The following PITX1 variants were observed in gnomAD, a reference collection of about 807,000 sequenced individuals.
The protein encoded by PITX1 is pituitary homeobox 1.
Under a neutral mutation model 24.1 loss-of-function variants are expected in PITX1, and 5 were observed. The observed-to-expected ratio is 0.21, with a 90% CI of 0.11 to 0.44. PITX1 has a LOEUF of 0.44. PITX1 is among the 20% of genes least tolerant of loss of function. The pLI is 0.99. For missense variants in PITX1, 401 were observed against 455.4 expected (o/e 0.88, Z 1.09); for synonymous variants, 213 against 208.9 (o/e 1.02, Z -0.17).
chr5:135,029,239 G>T lies in PITX1; in HGVS notation c.485C>A (p.Pro162Gln), dbSNP rs1265370549. The change falls in exon 3 of 3, where the codon CCG (proline) becomes CAG (glutamine). Residue 162 changes from proline (P) to glutamine (Q), a missense_variant. Pro to Gln is a moderately conservative substitution (Grantham distance 76, BLOSUM62 -1). Around this residue, in one of 3 missense-constraint regions of PITX1, gnomAD observed 217 missense variants for 219.8 expected, o/e 0.99. Coordinates refer to ENST00000265340, the MANE Select transcript of PITX1 (RefSeq NM_002653.5). Reference protein sequence around the residue: ...QLDLCKGGYVPQFSGLVQPYE... With the variant: ...QLDLCKGGYVQQFSGLVQPYE... The stretch of plus-strand genomic sequence containing the variant: ...GGGCTGCACTAGGCCGCTGAACTGC[G>T]GCACGTAGCCACCCTTGCACAGGTC... The T allele has an allele frequency of 3.7e-6, 6 of 1,613,584 alleles. No individual in the cohort carries two copies. Among genetic ancestry groups the T allele is most frequent in the African/African-American group, 2.7e-5 (2 of 75,042 alleles).
chr5:135,027,977 GGAGCA>G lies in PITX1; in HGVS notation c.*797_*801del, dbSNP rs1455925403. The G allele has an allele frequency of 6.6e-6, 1 of 152,586 alleles. No individual in the cohort carries two copies. Among genetic ancestry groups the G allele is most frequent in the African/African-American group, 2.4e-5 (1 of 41,462 alleles). The allele number at this position is 152,586 out of a possible 1,614,324, so 9.5% of individuals were successfully genotyped here. A position where few individuals can be genotyped will look rare whatever the true frequency, so the allele number is the denominator to read the frequency against. The stretch of plus-strand genomic sequence containing the variant: ...AGACAGAGGGCCACCTCCTAGCCCG[GGAGCA>G]GAGCAGAGGGCCTGGGCCTGCAGCT... On this transcript the variant is annotated 3_prime_UTR_variant, in exon 3 of 3. Coordinates refer to ENST00000265340, the MANE Select transcript of PITX1 (RefSeq NM_002653.5).
Position 135,028,389 on chromosome 5 carries a change from C to CT in PITX1, c.*389dup, listed in dbSNP as rs1187375885. On this transcript the variant is annotated 3_prime_UTR_variant, in exon 3 of 3. Coordinates refer to ENST00000265340, the MANE Select transcript of PITX1 (RefSeq NM_002653.5). ...CGGGGACGCGGGATACGAGGTCGTC[C>CT]TCCCCCGGCCGCTGGGCCTCGGCGC... 1 of 155,070 alleles carries CT rather than the reference C, an allele frequency of 6.4e-6. No individual in the cohort carries two copies. The highest frequency in any genetic ancestry group is 1.4e-5 in the Non-Finnish European group (1 of 69,972). The allele number at this position is 155,070 out of a possible 1,614,324, so 9.6% of individuals were successfully genotyped here. A position where few individuals can be genotyped will look rare whatever the true frequency, so the allele number is the denominator to read the frequency against.
Position 135,033,636 on chromosome 5 carries a change from G to A in PITX1, c.169+77C>T. ...GGGAGCTTGGTTGCGCGGCGCGGGC[G>A]TCAGGCCCTGCTCCCAGCTCCCCGT... is the stretch of plus-strand genomic sequence containing the variant. On this transcript the variant is annotated intron_variant, in intron 1 of 2. Transcript: ENST00000265340. This position sits in a 1 kb window ranked among gnomAD's most constrained non-coding sequence, Gnocchi z 5.9. 2.8e-6 allele frequency: 4 copies of A among 1,443,980 alleles called. No homozygotes were observed. The highest frequency in any genetic ancestry group is 1.4e-5 in the African/African-American group (1 of 70,834). 89.4% of individuals were successfully genotyped at this position (1,443,980 alleles called of 1,614,324 possible). A position where few individuals can be genotyped will look rare whatever the true frequency, so the allele number is the denominator to read the frequency against.
Position 135,033,679 on chromosome 5 carries a change from G to A in PITX1, c.169+34C>T. On this transcript the variant is annotated intron_variant, in intron 1 of 2. Transcript: ENST00000265340. This position sits in a 1 kb window ranked among gnomAD's most constrained non-coding sequence, Gnocchi z 5.9. ...CTCCCCGTGCTCCGCGCCCGGGTAGGCTCTGTGCGCGCCGCGCGGGGAACG... is the reference window on the plus strand; with the variant it reads ...CTCCCCGTGCTCCGCGCCCGGGTAGACTCTGTGCGCGCCGCGCGGGGAACG... The A allele has an allele frequency of 6.3e-7, 1 of 1,588,876 alleles. No homozygotes were observed. The highest frequency in any genetic ancestry group is 1.3e-5 in the African/African-American group (1 of 74,410).
Position 135,029,041 on chromosome 5 carries a change from C to A in PITX1, c.683G>T (p.Ser228Ile), listed in dbSNP as rs1752403312. Residue 228 changes from serine (S) to isoleucine (I), a missense_variant, in exon 3 of 3, where the codon AGC becomes ATC. By Grantham distance (142) the Ser-to-Ile change is moderately radical (BLOSUM62 -2). This residue lies in a region of PITX1 where 217 missense variants were observed against 219.8 expected (regional missense o/e 0.99). Transcript: ENST00000265340. ...SSISSMTMPS[S>I]MGPGAVPGMP... ...GCCAGGCACGGCGCCTGGGCCCATG[C>A]TGGACGGCATGGTCATGGAGGAGAT... 6.2e-7 allele frequency: 1 copy of A among 1,614,226 alleles called. No homozygotes were observed. The highest frequency in any genetic ancestry group is 8.5e-7 in the Non-Finnish European group (1 of 1,180,036).
Position 135,033,924 on chromosome 5 carries a change from G to A in PITX1, c.-43C>T. The A allele has an allele frequency of 1.6e-6, 2 of 1,247,126 alleles. No individual in the cohort carries two copies. The highest frequency in any genetic ancestry group is 2.0e-6 in the Non-Finnish European group (2 of 982,910). 77.3% of individuals were successfully genotyped at this position (1,247,126 alleles called of 1,614,324 possible). ...CGGGCGCTCCAGGGGCCGGGGCTGG[G>A]CGCGCCCCGCCGCCCTGGCTGCGAC... On this transcript the variant is annotated 5_prime_UTR_variant, in exon 1 of 3. Transcript: ENST00000265340. The surrounding 1 kb of genome is among the most constrained non-coding windows in gnomAD (Gnocchi z 5.9).
At position 135,029,023 on chromosome 5, in the gene PITX1, A is replaced by G. The variant is rs1309164541; in HGVS notation, c.701T>C (p.Val234Ala). Residue 234 changes from valine to alanine, a missense_variant, in exon 3 of 3, where the codon GTG becomes GCG. Val to Ala is a moderately conservative substitution (Grantham distance 64). Transcript: ENST00000265340. ...GAGGCCCGAGTTGGGCATGCCAGGC[A>G]CGGCGCCTGGGCCCATGCTGGACGG... ...TMPSSMGPGAVPGMPNSGLNN... is the reference protein window; with the variant it reads ...TMPSSMGPGAAPGMPNSGLNN... The G allele has an allele frequency of 1.2e-6, 2 of 1,614,086 alleles. No individual in the cohort carries two copies. The highest frequency in any genetic ancestry group is 2.2e-5 in the South Asian group (2 of 91,094).
In PITX1 at chr5:135,031,435, G is replaced by A. The variant is rs1418143256; in HGVS notation, c.243C>T (p.Asp81=). The part of the protein sequence containing the change: ...GAGGTGCGGA[D]DPAKKKKQRR... The stretch of plus-strand genomic sequence containing the variant: ...GCTGCTTCTTCTTCTTGGCTGGGTC[G>A]TCTGCGCCGCCGCAGCCCGTGCCTC... The change falls in exon 2 of 3, where the codon GAC becomes GAT. Residue 81 remains aspartate, a synonymous_variant. Coordinates refer to ENST00000265340, the MANE Select transcript of PITX1 (RefSeq NM_002653.5). 8 of 1,613,856 alleles carry A rather than the reference G, an allele frequency of 5.0e-6. No individual in the cohort carries two copies. The highest frequency in any genetic ancestry group is 5.9e-6 in the Non-Finnish European group (7 of 1,179,942).
rs773927273 is a variant in PITX1 at position 135,028,903 on chromosome 5, T to C, written c.821A>G (p.Tyr274Cys). 2 of 1,613,732 alleles carry C rather than the reference T, an allele frequency of 1.2e-6. No individual in the cohort carries two copies. The highest frequency in any genetic ancestry group is 2.2e-5 in the South Asian group (2 of 91,084). Residue 274 changes from tyrosine (Y) to cysteine (C), a missense_variant, in exon 3 of 3, where the codon TAC (tyrosine) becomes TGC (cysteine). Transcript: ENST00000265340. ...TAGGCTCGAGTTGCACGTGTCCCGG[T>C]AGACGCTGTAGGGCGAGGCGGGAGT... is the stretch of plus-strand genomic sequence containing the variant. ...YGTPASPYSVYRDTCNSSLAS... is the reference protein window; with the variant it reads ...YGTPASPYSVCRDTCNSSLAS...
In PITX1 at chr5:135,028,162, G is replaced by C. The variant is rs1307432584; in HGVS notation, c.*617C>G. 1 of 152,248 alleles carries C rather than the reference G, an allele frequency of 6.6e-6. No individual in the cohort carries two copies. The highest frequency in any genetic ancestry group is 1.5e-5 in the Non-Finnish European group (1 of 68,166). The allele number at this position is 152,248 out of a possible 1,614,324, so 9.4% of individuals were successfully genotyped here. On this transcript the variant is annotated 3_prime_UTR_variant, in exon 3 of 3. Coordinates refer to ENST00000265340, the MANE Select transcript of PITX1 (RefSeq NM_002653.5). ...CCGGGGCCGTGTGCGGCTCCACTGA[G>C]TGCCCGATCCTGGGCTGGGGGCACC... is the stretch of plus-strand genomic sequence containing the variant.
At position 135,027,897 on chromosome 5, in the gene PITX1, T is replaced by C. The variant is rs1752373948; in HGVS notation, c.*882A>G. On this transcript the variant is annotated 3_prime_UTR_variant, in exon 3 of 3. Coordinates refer to ENST00000265340, the MANE Select transcript of PITX1 (RefSeq NM_002653.5). ...CGCAGGGCCCTGGGGCCGCGCCCCT[T>C]GCTCTGCCGGCTCGACTCTTGCACG... is the stretch of plus-strand genomic sequence containing the variant. 6.6e-6 allele frequency: 1 copy of C among 152,652 alleles called. No homozygotes were observed. Among genetic ancestry groups the C allele is most frequent in the South Asian group, 2.1e-4 (1 of 4,832 alleles). The allele number at this position is 152,652 out of a possible 1,614,324, so 9.5% of individuals were successfully genotyped here. A position where few individuals can be genotyped will look rare whatever the true frequency, so the allele number is the denominator to read the frequency against.
intron 2 of PITX1, 52 bp from the exon 3 acceptor site, chr5:135,029,373 C>G: frequency 6.8e-7 from 1 of 1,460,180 alleles, no homozygotes; most frequent in Non-Finnish European, 9.3e-7. Flanking sequence ...CGGGAGGGAC[C>G]CCACCCCCTT....
At position 135,033,595 on chromosome 5, in the gene PITX1, G is replaced by A. The variant is rs1306642533; in HGVS notation, c.169+118C>T. On this transcript the variant is annotated intron_variant, in intron 1 of 2. Coordinates refer to ENST00000265340, the MANE Select transcript of PITX1 (RefSeq NM_002653.5). The surrounding 1 kb of genome is among the most constrained non-coding windows in gnomAD (Gnocchi z 5.9). ...GAACGGGAAAAAGAAAGCTCCTGAC[G>A]CTTCTGGGGCGGAGAGGGAGCTTGG... The A allele has an allele frequency of 6.7e-6, 7 of 1,041,496 alleles. No individual in the cohort carries two copies. In the African/African-American group the frequency reaches 8.2e-5, roughly 12 times the overall value. 64.5% of individuals were successfully genotyped at this position (1,041,496 alleles called of 1,614,324 possible). A position where few individuals can be genotyped will look rare whatever the true frequency, so the allele number is the denominator to read the frequency against.
chr5:135,030,865 G>T (rs1345806219), intron 2 of PITX1, among the ~76,000 whole-genome samples: 1 of 152,260 alleles, frequency 6.6e-6, no homozygotes, highest in African/African-American at 2.4e-5. Context: ...GACAGGACCT[G>T]CCTTTCCCTT....
In PITX1 at chr5:135,028,829, C is replaced by T. The variant is rs759820239; in HGVS notation, c.895G>A (p.Gly299Ser). Reference sequence around the variant, plus strand: ...AGGCCCGAGGCCGGGCCCTGCAGGCCGCCGTAGCCAAACGACGAGTGCTGT... The same window carrying T: ...AGGCCCGAGGCCGGGCCCTGCAGGCTGCCGTAGCCAAACGACGAGTGCTGT... ...SKQHSSFGYG[G>S]LQGPASGLNA... The change falls in exon 3 of 3, where the codon GGC (glycine) becomes AGC (serine). Residue 299 changes from glycine (G) to serine (S), a missense_variant. Transcript: ENST00000265340. The T allele has an allele frequency of 3.5e-5, 57 of 1,612,796 alleles. No individual in the cohort carries two copies. In the Admixed American group the frequency reaches 7.5e-4, roughly 21 times the overall value.
In PITX1 at chr5:135,033,445, C is replaced by A; in HGVS notation, c.169+268G>T. 1 of 526,068 alleles carries A rather than the reference C, an allele frequency of 1.9e-6. No homozygotes were observed. The highest frequency in any genetic ancestry group is 3.4e-6 in the Non-Finnish European group (1 of 294,914). 32.6% of individuals were successfully genotyped at this position (526,068 alleles called of 1,614,324 possible). ...CTTTCCCGTTCTATTTACTCCTGAT[C>A]AAGAGGGGCTGTCAGTCCAACCCTC... On this transcript the variant is annotated intron_variant, in intron 1 of 2. Transcript: ENST00000265340. This position sits in a 1 kb window ranked among gnomAD's most constrained non-coding sequence, Gnocchi z 5.9.
chr5:135,030,789 C>A (rs539211395), intron 2 of PITX1, among the ~76,000 whole-genome samples: 1 of 152,312 alleles, frequency 6.6e-6, no homozygotes, highest in African/African-American at 2.4e-5. Context: ...TGAGATGGGA[C>A]CACTGCTCCA....
rs1299866342 is a variant in PITX1, at chr5:135,028,930, C to T, written c.794G>A (p.Gly265Asp). Residue 265 changes from glycine (G) to aspartate (D), a missense_variant, in exon 3 of 3, where the codon GGC becomes GAC. Physicochemically the swap from Gly to Asp is moderately conservative, Grantham distance 94. Coordinates refer to ENST00000265340, the MANE Select transcript of PITX1 (RefSeq NM_002653.5). ...GACGCTGTAGGGCGAGGCGGGAGTG[C>T]CGTACGGGCAAGCGCCCGGCGACAT... is the stretch of plus-strand genomic sequence containing the variant. ...SAMSPGACPY[G>D]TPASPYSVYR... 2 of 1,613,932 alleles carry T rather than the reference C, an allele frequency of 1.2e-6. No homozygotes were observed. The highest frequency in any genetic ancestry group is 1.1e-5 in the South Asian group (1 of 91,086).
In PITX1 at chr5:135,028,690, T is replaced by TGCGAGCCGGGGCCC. The variant is rs1215744604; in HGVS notation, c.*75_*88dup. On this transcript the variant is annotated 3_prime_UTR_variant, in exon 3 of 3. Coordinates refer to ENST00000265340, the MANE Select transcript of PITX1 (RefSeq NM_002653.5). ...GTCCGCGGCGCGGTGAGCTGGGGCT[T>TGCGAGCCGGGGCCC]GCGAGCCGGGGCCCCGCGTGCGTCC... is the stretch of plus-strand genomic sequence containing the variant. 5.4e-6 allele frequency: 5 copies of TGCGAGCCGGGGCCC among 933,988 alleles called. No individual in the cohort carries two copies. Among genetic ancestry groups the TGCGAGCCGGGGCCC allele is most frequent in the East Asian group, 7.6e-5 (2 of 26,296 alleles). The allele number at this position is 933,988 out of a possible 1,614,324, so 57.9% of individuals were successfully genotyped here.
Sources: allele counts gnomAD v4.1 joint callset (sites outside exome capture counted in the v4.1 genomes callset), GRCh38; gene constraint gnomAD v4.1.1; regional missense constraint gnomAD v4.1.1; non-coding constraint Gnocchi (gnomAD v3.1); transcripts MANE v1.5; gene names NCBI Gene and HGNC (gene_info 2026-07-23, HGNC 2026-07-21).